Variants in COLQ observed in about 807,000 individuals in gnomAD.
COLQ encodes acetylcholinesterase collagenic tail peptide.
In COLQ, 48 loss-of-function variants were observed where a neutral mutation model predicts 69.0. The observed-to-expected ratio is 0.70, with a 90% CI of 0.55 to 0.88. The LOEUF is 0.88. Ranked by LOEUF, COLQ falls within the 40% of genes least tolerant of loss-of-function variation. COLQ has a pLI of 0.00. For synonymous variants in COLQ, 217 were observed against 211.2 expected, an observed-to-expected ratio of 1.03 and a Z score of -0.24; for missense variants, 618 against 594.6, an observed-to-expected ratio of 1.04 and a Z score of -0.41.
At chr3:15,467,625 G>C in intron 11 of COLQ, 1 of 332,374 alleles carries the variant, frequency 3.0e-6, no homozygotes, top group South Asian at 2.3e-5. Context: ...CGAAACCAAG[G>C]CTGGTGCATG....
chr3:15,462,241 G>A (rs890123524), intron 12 of COLQ, among the ~76,000 whole-genome samples: 6 of 151,932 alleles, frequency 3.9e-5, no homozygotes, highest in Non-Finnish European at 7.4e-5. Context: ...TGTTGGCCAG[G>A]CTGGTCTCAA....
chr3:15,500,923 A>T (rs893963586), intron 1 of COLQ, among the ~76,000 whole-genome samples: 1 of 151,998 alleles, frequency 6.6e-6, no homozygotes, highest in Non-Finnish European at 1.5e-5. Context: ...GTGGGTCTGG[A>T]TTTTTCTAGA....
chr3:15,489,171 G>A (rs781457859), intron 2 of COLQ, among the ~76,000 whole-genome samples: 15 of 152,230 alleles, frequency 9.9e-5, no homozygotes, highest in Non-Finnish European at 1.5e-4. Flanking sequence ...AACACTTGGG[G>A]AGAAGAAAAA....
At position 15,453,942 on chromosome 3, in the gene COLQ, A is replaced by G; in HGVS notation, c.1196-11T>C. The G allele has an allele frequency of 1.9e-6, 3 of 1,587,888 alleles. No individual in the cohort carries two copies. Among genetic ancestry groups the G allele is most frequent in the African/African-American group, 1.3e-5 (1 of 74,290 alleles). On this transcript the variant is annotated splice_polypyrimidine_tract_variant and intron_variant, in intron 15 of 16. Coordinates refer to ENST00000383788, the MANE Select transcript of COLQ (RefSeq NM_005677.4). Reference sequence around the variant, plus strand: ...AGGCACGGTGACAGCCTGAGGGGACATAAGGAGGTGCAGTCTTGAGAAGGA... The same window carrying G: ...AGGCACGGTGACAGCCTGAGGGGACGTAAGGAGGTGCAGTCTTGAGAAGGA...
intron 15 of COLQ, 61 bp downstream of exon 15, chr3:15,455,838 C>A: frequency 6.2e-7 from 1 of 1,607,944 alleles, no homozygotes; most frequent in Non-Finnish European, 8.5e-7. Flanking sequence ...CCAGGGCTGG[C>A]CCTGAGTCCC....
Position 15,473,647 on chromosome 3 carries a change from C to A in COLQ, c.636+353G>T, listed in dbSNP as rs1409992489. ...CCTGTGTGCTGACAGGGGCTTTGAC[C>A]GTTGTGGCTCAGATCTGAGTCCCCT... On this transcript the variant is annotated intron_variant, in intron 10 of 16. Coordinates refer to ENST00000383788, the MANE Select transcript of COLQ (RefSeq NM_005677.4). The surrounding 1 kb of genome is among the most constrained non-coding windows in gnomAD (Gnocchi z 4.0). Among the ~76,000 whole-genome samples, 1 of 152,114 alleles carries A rather than the reference C, an allele frequency of 6.6e-6. No individual in the cohort carries two copies. Among genetic ancestry groups the A allele is most frequent in the Non-Finnish European group, 1.5e-5 (1 of 68,030 alleles).
At chr3:15,491,841 C>T (rs954825515) in intron 1 of COLQ, among the ~76,000 whole-genome samples, 1 of 151,988 alleles carries the variant, frequency 6.6e-6, no homozygotes, top group Non-Finnish European at 1.5e-5. Context: ...GGGCAGATCA[C>T]GAGGTCAAGA....
chr3:15,507,142 G>T (rs2062922691), intron 1 of COLQ, among the ~76,000 whole-genome samples: 1 of 152,104 alleles, frequency 6.6e-6, no homozygotes, highest in African/African-American at 2.4e-5. Context: ...TTCTTTGGAA[G>T]AACCATAATT....
intron 12 of COLQ, among the ~76,000 whole-genome samples, chr3:15,464,842 C>T (rs952737560): frequency 2.0e-5 from 3 of 152,070 alleles, no homozygotes; most frequent in Admixed American, 6.5e-5. Flanking sequence ...GACAAGGGAA[C>T]GAAATAAAGG....
In COLQ at chr3:15,488,187, T is replaced by G. The variant is rs748137813; in HGVS notation, c.321+19A>C. 6.3e-7 allele frequency: 1 copy of G among 1,579,126 alleles called. No individual in the cohort carries two copies. Among genetic ancestry groups the G allele is most frequent in the East Asian group, 2.2e-5 (1 of 44,700 alleles). On this transcript the variant is annotated intron_variant, in intron 3 of 16. Transcript: ENST00000383788. ...TCTAAACAGAAGACAGCGAGAGGGG[T>G]CCGGTAGAGTGCACCAACCTGGGGG...
At chr3:15,465,647 G>C (rs11914398) in intron 12 of COLQ, among the ~76,000 whole-genome samples, 3,216 of 116,188 alleles carry the variant, frequency 0.028, 131 homozygotes, top group African/African-American at 0.1. Context: ...ACAGAGTTTC[G>C]AGATGGCACA....
At chr3:15,475,045 G>A (rs2062356301) in intron 7 of COLQ, 94 bp from the exon 8 acceptor site, 1 of 1,341,106 alleles carries the variant, frequency 7.5e-7, no homozygotes, top group African/African-American at 1.4e-5. Flanking sequence ...TGGTGGTAAG[G>A]TATGTCTCCA....
intron 1 of COLQ, among the ~76,000 whole-genome samples, chr3:15,512,825 G>A (rs1338639719): frequency 6.6e-6 from 1 of 152,184 alleles, no homozygotes; most frequent in Non-Finnish European, 1.5e-5. Flanking sequence ...TGCTTTTACA[G>A]CCATTTCATA....
chr3:15,509,967 T>G (rs1040330378), intron 1 of COLQ, among the ~76,000 whole-genome samples: 8 of 151,626 alleles, frequency 5.3e-5, no homozygotes, highest in Non-Finnish European at 8.8e-5. Context: ...GGTCAGGAGA[T>G]CGAGACCATC....
chr3:15,485,288 A>G (rs558690678), intron 3 of COLQ, among the ~76,000 whole-genome samples: 25 of 152,300 alleles, frequency 1.6e-4, no homozygotes, highest in African/African-American at 5.1e-4. Flanking sequence ...ACCCAGCTGT[A>G]TGAGGTGTCA....
At chr3:15,477,399 C>T (rs1328022816) in intron 5 of COLQ, 1 of 581,494 alleles carries the variant, frequency 1.7e-6, no homozygotes, top group African/African-American at 1.9e-5. Flanking sequence ...TTATTCTTCT[C>T]AAGAAATGGA....
intron 1 of COLQ, among the ~76,000 whole-genome samples, chr3:15,501,244 G>C (rs989826493): frequency 6.6e-6 from 1 of 152,170 alleles, no homozygotes; most frequent in Non-Finnish European, 1.5e-5. Flanking sequence ...TATCAGCCAG[G>C]CTAGAGACCT....
At chr3:15,485,033 T>C (rs2062551909) in intron 3 of COLQ, among the ~76,000 whole-genome samples, 1 of 152,376 alleles carries the variant, frequency 6.6e-6, no homozygotes, top group Middle Eastern at 3.4e-3. Flanking sequence ...TGTGGTTTTA[T>C]CTACCTTTGG....
intron 1 of COLQ, among the ~76,000 whole-genome samples, chr3:15,497,036 C>CTTTTTTTTT (rs371974104): frequency 2.8e-5 from 3 of 107,530 alleles, no homozygotes; most frequent in African/African-American, 7.4e-5. Context: ...GTCCTTTTGC[C>CTTTTTTTTT]TTTTTTTTTT....
Sources: gnomAD v4.1 joint callset for allele counts (sites outside exome capture counted in the v4.1 genomes callset) on GRCh38, gnomAD v4.1.1 for gene constraint, Gnocchi (gnomAD v3.1) non-coding constraint, MANE v1.5 for transcripts, NCBI Gene and HGNC (gene_info 2026-07-23, HGNC 2026-07-21) for gene names.